Variants in OXR1 observed in about 807,000 individuals in gnomAD.
The protein encoded by OXR1 is oxidation resistance protein 1.
A neutral mutation model predicts 104.6 loss-of-function variants in OXR1; 41 were observed. That is an observed-to-expected ratio of 0.39 (90% confidence interval 0.31 to 0.51). The LOEUF is 0.51. OXR1 is among the 20% of genes least tolerant of loss of function. OXR1 has a pLI of 0.77. For synonymous variants in OXR1, 348 were observed against 348.4 expected (o/e 1.00, Z 0.01); for missense variants, 955 against 1,031.9 (o/e 0.93, Z 1.02).
At chr8:106,694,502 T>C (rs1158940039) in intron 7 of OXR1, among the ~76,000 whole-genome samples, 1 of 134,876 alleles carries the variant, frequency 7.4e-6, no homozygotes, top group African/African-American at 2.7e-5. Context: ...ATAAATATGT[T>C]TTTATATATA....
At chr8:106,652,082 A>C (rs1039579860) in intron 3 of OXR1, among the ~76,000 whole-genome samples, 3 of 151,952 alleles carry the variant, frequency 2.0e-5, no homozygotes, top group African/African-American at 7.3e-5. Context: ...TAATGTGTCT[A>C]TTTGCAGGGG....
chr8:106,407,189 T>C (rs747105104), intron 2 of OXR1, among the ~76,000 whole-genome samples: 3 of 152,206 alleles, frequency 2.0e-5, no homozygotes, highest in Non-Finnish European at 2.9e-5. Flanking sequence ...CTTATGTATG[T>C]ACATCTGTGA....
chr8:106,676,125 A>G (rs1367446576), intron 3 of OXR1, among the ~76,000 whole-genome samples: 4 of 152,138 alleles, frequency 2.6e-5, no homozygotes, highest in Non-Finnish European at 5.9e-5. Flanking sequence ...AGAAACTAGA[A>G]TTGCAACCTC....
intron 2 of OXR1, among the ~76,000 whole-genome samples, chr8:106,486,305 C>T (rs1196589578): frequency 6.6e-6 from 1 of 152,050 alleles, no homozygotes; most frequent in African/African-American, 2.4e-5. Context: ...CCTCTAATTG[C>T]TTCCACTTTT....
At chr8:106,613,731 C>T (rs1010183664) in intron 3 of OXR1, among the ~76,000 whole-genome samples, 5 of 152,178 alleles carry the variant, frequency 3.3e-5, no homozygotes, top group African/African-American at 1.2e-4. Context: ...CCAACCATAA[C>T]TGTCAGTGTA....
At chr8:106,472,763 C>T (rs1821585944) in intron 2 of OXR1, among the ~76,000 whole-genome samples, 1 of 151,724 alleles carries the variant, frequency 6.6e-6, no homozygotes. Context: ...ATATCAGTGT[C>T]CAGTGGTTCT....
chr8:106,446,186 A>G (rs1248506340), intron 2 of OXR1, among the ~76,000 whole-genome samples: 1 of 152,202 alleles, frequency 6.6e-6, no homozygotes, highest in African/African-American at 2.4e-5. Context: ...AATGTGGTTC[A>G]TTAACAAATA....
At chr8:106,604,014 C>T (rs1820172976) in intron 3 of OXR1, among the ~76,000 whole-genome samples, 1 of 152,130 alleles carries the variant, frequency 6.6e-6, no homozygotes, top group Admixed American at 6.6e-5. Flanking sequence ...GATAGTGCCA[C>T]TGCACTCCAG....
At position 106,359,561 on chromosome 8, in the gene OXR1, C is replaced by T; in HGVS notation, c.-53C>T. ...TTTTTAGCGGTGTTGTCGACTTGACCTGCTAATTTCCTGTTCTGGAATCGA... is the reference window on the plus strand; with the variant it reads ...TTTTTAGCGGTGTTGTCGACTTGACTTGCTAATTTCCTGTTCTGGAATCGA... On this transcript the variant is annotated 5_prime_UTR_variant, in exon 2 of 17. Transcript: ENST00000517566. 6.8e-7 allele frequency: 1 copy of T among 1,463,142 alleles called. No homozygotes were observed. Among genetic ancestry groups the T allele is most frequent in the South Asian group, 1.2e-5 (1 of 82,272 alleles). 90.6% of individuals were successfully genotyped at this position (1,463,142 alleles called of 1,614,324 possible). A position where few individuals can be genotyped will look rare whatever the true frequency, so the allele number is the denominator to read the frequency against.
chr8:106,551,929 G>C (rs1815871617), intron 3 of OXR1, among the ~76,000 whole-genome samples: 1 of 147,482 alleles, frequency 6.8e-6, no homozygotes. Context: ...GGCCATGGTG[G>C]TGCGCACTGT....
intron 2 of OXR1, among the ~76,000 whole-genome samples, chr8:106,390,504 G>T (rs1268235871): frequency 6.6e-6 from 1 of 152,114 alleles, no homozygotes; most frequent in Non-Finnish European, 1.5e-5. Context: ...TTATGCATAA[G>T]GAAACTGAGA....
At chr8:106,531,064 T>C (rs1814060674) in intron 3 of OXR1, among the ~76,000 whole-genome samples, 1 of 152,178 alleles carries the variant, frequency 6.6e-6, no homozygotes, top group African/African-American at 2.4e-5. Flanking sequence ...AAAAGTTTAG[T>C]TAATTTAGAT....
intron 11 of OXR1, among the ~76,000 whole-genome samples, chr8:106,737,158 G>GTA (rs1277498213): frequency 1.3e-5 from 2 of 152,070 alleles, no homozygotes; most frequent in Non-Finnish European, 2.9e-5. Context: ...CACTTCCTTT[G>GTA]TAACTGCAAG....
intron 3 of OXR1, among the ~76,000 whole-genome samples, chr8:106,638,849 G>A (rs918679819): frequency 2.7e-5 from 4 of 149,722 alleles, no homozygotes; most frequent in Admixed American, 6.7e-5. Flanking sequence ...AGCAGATATC[G>A]TGCCACTGCA....
intron 2 of OXR1, among the ~76,000 whole-genome samples, chr8:106,384,931 T>G (rs575577652): frequency 6.6e-6 from 1 of 152,222 alleles, no homozygotes; most frequent in Non-Finnish European, 1.5e-5. Context: ...GCCAGGCTGG[T>G]CTTGAACTCC....
chr8:106,345,859 C>T (rs1415654487), intron 1 of OXR1, among the ~76,000 whole-genome samples: 4 of 152,144 alleles, frequency 2.6e-5, no homozygotes, highest in African/African-American at 9.7e-5. Context: ...AGACCTATCT[C>T]ATGTGGTGGG....
At chr8:106,474,044 C>G (rs1821669724) in intron 2 of OXR1, among the ~76,000 whole-genome samples, 1 of 144,278 alleles carries the variant, frequency 6.9e-6, no homozygotes, top group African/African-American at 2.7e-5. Context: ...CACACACACA[C>G]ACACACACAC....
At chr8:106,692,625 C>T in intron 6 of OXR1, 103 bp from the exon 7 acceptor site, 1 of 607,526 alleles carries the variant, frequency 1.6e-6, no homozygotes, top group South Asian at 3.9e-5. Context: ...TGAAATGAAA[C>T]AACACTTATT....
intron 3 of OXR1, among the ~76,000 whole-genome samples, chr8:106,591,536 G>A (rs1259402369): frequency 1.3e-5 from 2 of 151,996 alleles, no homozygotes; most frequent in South Asian, 2.1e-4. Flanking sequence ...TTAGAAAAAT[G>A]GGAGTACTTG....
Sources: allele counts gnomAD v4.1 joint callset (sites outside exome capture counted in the v4.1 genomes callset), GRCh38; gene constraint gnomAD v4.1.1; transcripts MANE v1.5; gene names NCBI Gene and HGNC (gene_info 2026-07-23, HGNC 2026-07-21).